PLEKHA8: variants seen among roughly 807,000 people sequenced by gnomAD.
PLEKHA8 encodes pleckstrin homology domain containing A8.
Under a neutral mutation model 68.2 loss-of-function variants are expected in PLEKHA8, and 36 were observed. The ratio of observed to expected loss-of-function variants is 0.53; its 90% CI spans 0.40 to 0.70. The LOEUF is 0.70. PLEKHA8 is among the 30% of genes least tolerant of loss of function. The pLI, the probability that PLEKHA8 is intolerant of heterozygous loss-of-function variation, is 0.00. For missense variants in PLEKHA8, 505 were observed against 615.4 expected, an observed-to-expected ratio of 0.82 and a Z score of 1.90; for synonymous variants, 211 against 216.1, an observed-to-expected ratio of 0.98 and a Z score of 0.20.
At chr7:30,112,382 T>C (rs1562555577) in intron 13 of PLEKHA8, among the ~76,000 whole-genome samples, 1 of 142,122 alleles carries the variant, frequency 7.0e-6, no homozygotes, top group Non-Finnish European at 1.5e-5. Flanking sequence ...GATAACTCCT[T>C]AAAAAAAAAA....
In PLEKHA8 at chr7:30,061,030, A is replaced by C. The variant is rs959554762; in HGVS notation, c.1098+88A>C. 56 of 1,263,418 alleles carry C rather than the reference A, an allele frequency of 4.4e-5. No individual in the cohort carries two copies. In the African/African-American group the frequency reaches 6.1e-4, roughly 14 times the overall value. The allele number at this position is 1,263,418 out of a possible 1,614,324, so 78.3% of individuals were successfully genotyped here. A position where few individuals can be genotyped will look rare whatever the true frequency, so the allele number is the denominator to read the frequency against. On this transcript the variant is annotated intron_variant, in intron 10 of 13. Coordinates refer to ENST00000449726, the MANE Select transcript of PLEKHA8 (RefSeq NM_001197026.2). ...TGTGCTTGGCCAGAATAAATCAAAA[A>C]GTGAAAAATGTGTCACTGTTCTTTT...
chr7:30,084,328 G>A lies in PLEKHA8; in HGVS notation c.*5541G>A. On this transcript the variant is annotated 3_prime_UTR_variant, in exon 14 of 14. Transcript: ENST00000449726. ...AATATCTGTCACGTGCAGTGTTAAT[G>A]TTACCTGTTCTTGTCTCTCAGCATT... 1.0e-6 allele frequency: 1 copy of A among 985,386 alleles called. No individual in the cohort carries two copies. Among genetic ancestry groups the A allele is most frequent in the Non-Finnish European group, 1.2e-6 (1 of 829,890 alleles). 61.0% of individuals were successfully genotyped at this position (985,386 alleles called of 1,614,324 possible). A position where few individuals can be genotyped will look rare whatever the true frequency, so the allele number is the denominator to read the frequency against.
chr7:30,081,365 TATTAGAA>T lies in PLEKHA8; in HGVS notation c.*2589_*2595del. On this transcript the variant is annotated 3_prime_UTR_variant, in exon 14 of 14. Coordinates refer to ENST00000449726, the MANE Select transcript of PLEKHA8 (RefSeq NM_001197026.2). ...GGAACTGAGGATCCTTAAATAAAAA[TATTAGAA>T]ATTAGAAATTGAACCTAATACTAAA... 3.0e-6 allele frequency: 3 copies of T among 984,158 alleles called. No individual in the cohort carries two copies. The highest frequency in any genetic ancestry group is 3.6e-6 in the Non-Finnish European group (3 of 828,778). The allele number at this position is 984,158 out of a possible 1,614,324, so 61.0% of individuals were successfully genotyped here. A position where few individuals can be genotyped will look rare whatever the true frequency, so the allele number is the denominator to read the frequency against.
exon 14 of PLEKHA8, chr7:30,129,275 T>A (rs756235989): frequency 6.2e-7 from 1 of 1,612,782 alleles, no homozygotes; most frequent in East Asian, 2.2e-5. Context: ...GGTGTAGGAA[T>A]GTGGGTGTAG....
rs59541222 is a variant in PLEKHA8, at chr7:30,041,419, ATTT to A, written c.41-3648_41-3646del. Among the ~76,000 whole-genome samples, 522 of 120,160 alleles carry A rather than the reference ATTT, an allele frequency of 4.3e-3. 8 individuals are homozygous for A. In the East Asian group the frequency reaches 0.062, roughly 14 times the overall value. 78.8% of individuals were successfully genotyped at this position (120,160 alleles called of 152,430 possible). ...GTTGCTATTATAATTTACCAGCTAC[ATTT>A]TTTTTTTTTTTTTTTTTGAGACAAG... On this transcript the variant is annotated intron_variant, in intron 1 of 13. Coordinates refer to ENST00000449726, the MANE Select transcript of PLEKHA8 (RefSeq NM_001197026.2).
At chr7:30,074,663 T>C (rs766248854) in intron 13 of PLEKHA8, among the ~76,000 whole-genome samples, 1 of 152,182 alleles carries the variant, frequency 6.6e-6, no homozygotes, top group Non-Finnish European at 1.5e-5. Flanking sequence ...CTTTTAATTC[T>C]TAGGTCTTAG....
intron 13 of PLEKHA8, among the ~76,000 whole-genome samples, chr7:30,103,559 T>G (rs1432805204): frequency 6.6e-6 from 1 of 152,226 alleles, no homozygotes. Context: ...GTAATGAAGA[T>G]GGTATGTATT....
chr7:30,034,992 A>G (rs1790957488), intron 1 of PLEKHA8, among the ~76,000 whole-genome samples: 1 of 152,134 alleles, frequency 6.6e-6, no homozygotes. Context: ...CTTACATTTA[A>G]TTCTCATCCA....
intron 13 of PLEKHA8, among the ~76,000 whole-genome samples, chr7:30,102,400 A>G (rs1795886457): frequency 6.6e-6 from 1 of 152,234 alleles, no homozygotes; most frequent in South Asian, 2.1e-4. Context: ...TTACGTTATG[A>G]TCCAGCAATT....
Position 30,082,016 on chromosome 7 carries a change from G to A in PLEKHA8, c.*3229G>A, listed in dbSNP as rs762893075. ...TGAAACCAAATTGTAACTATGAGGAGAAGATGGTCTTCTCATTGGCTCTTG... is the reference window on the plus strand; with the variant it reads ...TGAAACCAAATTGTAACTATGAGGAAAAGATGGTCTTCTCATTGGCTCTTG... On this transcript the variant is annotated 3_prime_UTR_variant, in exon 14 of 14. Transcript: ENST00000449726. 5.0e-5 allele frequency: 47 copies of A among 938,720 alleles called. No homozygotes were observed. The highest frequency in any genetic ancestry group is 5.6e-5 in the Non-Finnish European group (44 of 787,744). 58.1% of individuals were successfully genotyped at this position (938,720 alleles called of 1,614,324 possible).
intron 13 of PLEKHA8, among the ~76,000 whole-genome samples, chr7:30,108,079 A>AC (rs1562553397): frequency 6.6e-6 from 1 of 151,126 alleles, no homozygotes; most frequent in African/African-American, 2.4e-5. Context: ...AAAAAAAAAA[A>AC]AAAAAAAAAA....
chr7:30,055,210 A>G (rs374760076), intron 8 of PLEKHA8, 47 bp from the exon 9 acceptor site: 1 of 1,529,360 alleles, frequency 6.5e-7, no homozygotes, highest in South Asian at 1.1e-5. Flanking sequence ...CAGAGTGCTG[A>G]TACTGTATTT....
chr7:30,050,953 C>A (rs745669116), intron 6 of PLEKHA8, among the ~76,000 whole-genome samples: 3 of 152,172 alleles, frequency 2.0e-5, no homozygotes, highest in Non-Finnish European at 4.4e-5. Flanking sequence ...GATGATTTAA[C>A]CCATGAAAGT....
chr7:30,052,219 A>G (rs1792467540), intron 6 of PLEKHA8, among the ~76,000 whole-genome samples: 1 of 152,222 alleles, frequency 6.6e-6, no homozygotes. Context: ...TTTGATTTCT[A>G]AATTGCAGCC....
chr7:30,056,030 C>T (rs1234222946), intron 9 of PLEKHA8, among the ~76,000 whole-genome samples: 1 of 150,708 alleles, frequency 6.6e-6, no homozygotes, highest in Non-Finnish European at 1.5e-5. Flanking sequence ...GCAAGCTCCG[C>T]CCCCCAGGTT....
chr7:30,127,986 T>C (rs1317268851), intron 13 of PLEKHA8, among the ~76,000 whole-genome samples: 2 of 152,192 alleles, frequency 1.3e-5, no homozygotes, highest in African/African-American at 4.8e-5. Context: ...ACAAGTATCC[T>C]TTAAAGTTAT....
chr7:30,044,248 A>G (rs1791775898), intron 1 of PLEKHA8, among the ~76,000 whole-genome samples: 1 of 151,940 alleles, frequency 6.6e-6, no homozygotes, highest in Admixed American at 6.5e-5. Context: ...CTCATGATCC[A>G]TCCACCTCGA....
downstream of PLEKHA8, among the ~76,000 whole-genome samples, chr7:30,084,994 G>T (rs1795122667): frequency 6.6e-6 from 1 of 150,878 alleles, no homozygotes; most frequent in Non-Finnish European, 1.5e-5. Flanking sequence ...GCCCAGGCTG[G>T]AGTGCAATGG....
chr7:30,055,373 T>G, intron 9 of PLEKHA8, 31 bp downstream of exon 9: 1 of 1,586,340 alleles, frequency 6.3e-7, no homozygotes, highest in Non-Finnish European at 8.7e-7. Context: ...TTACATTCAT[T>G]CATGTCTAGA....
Sources: allele counts gnomAD v4.1 joint callset (sites outside exome capture counted in the v4.1 genomes callset), GRCh38; gene constraint gnomAD v4.1.1; transcripts MANE v1.5; gene names NCBI Gene and HGNC (gene_info 2026-07-23, HGNC 2026-07-21).